BBOF1: variants seen among roughly 807,000 people sequenced by gnomAD.
BBOF1 encodes basal body-orientation factor 1.
Under a neutral mutation model 68.0 loss-of-function variants are expected in BBOF1, and 62 were observed. That is an observed-to-expected ratio of 0.91 (90% CI 0.74 to 1.13). The LOEUF (loss-of-function observed/expected upper bound fraction) is 1.13, where lower values mean the gene tolerates loss of function less well. Ranked by LOEUF, BBOF1 falls within the 50% of genes most tolerant of loss-of-function variation. The pLI, the probability that BBOF1 is intolerant of heterozygous loss-of-function variation, is 0.00. For synonymous variants in BBOF1, 208 were observed against 198.8 expected (o/e 1.05, Z -0.39); for missense variants, 534 against 600.1 (o/e 0.89, Z 1.15).
At chr14:74,051,861 C>T (rs2060073988) in intron 8 of BBOF1, among the ~76,000 whole-genome samples, 1 of 151,698 alleles carries the variant, frequency 6.6e-6, no homozygotes, top group African/African-American at 2.4e-5. Flanking sequence ...GGATTACAGG[C>T]ACGAGCCACC....
rs1037162967 is a variant in BBOF1, at chr14:74,065,278, T to C, written c.*579T>C. 1.9e-6 allele frequency: 3 copies of C among 1,614,218 alleles called. No individual in the cohort carries two copies. Among genetic ancestry groups the C allele is most frequent in the East Asian group, 4.5e-5 (2 of 44,886 alleles). On this transcript the variant is annotated 3_prime_UTR_variant, in exon 12 of 12. Coordinates refer to ENST00000394009, the MANE Select transcript of BBOF1 (RefSeq NM_025057.3). Reference sequence around the variant, plus strand: ...TCCATATGGGTTGTTATTTACAATCTGGATGGCTTCATCCAATGTTTCTGT... The same window carrying C: ...TCCATATGGGTTGTTATTTACAATCCGGATGGCTTCATCCAATGTTTCTGT...
At chr14:74,026,343 G>A (rs1375813947) in intron 2 of BBOF1, among the ~76,000 whole-genome samples, 1 of 148,704 alleles carries the variant, frequency 6.7e-6, no homozygotes, top group African/African-American at 2.5e-5. Flanking sequence ...TCAGGAGGCT[G>A]AGGCAGGAGA....
chr14:74,077,632 A>C (rs1044505332), intron 9 of BBOF1, among the ~76,000 whole-genome samples: 9 of 152,202 alleles, frequency 5.9e-5, no homozygotes, highest in African/African-American at 2.2e-4. Context: ...CAAAAGAGCA[A>C]GAATTCACTC....
chr14:74,032,890 T>C (rs1189081064), intron 3 of BBOF1, among the ~76,000 whole-genome samples: 2 of 152,118 alleles, frequency 1.3e-5, no homozygotes, highest in Non-Finnish European at 2.9e-5. Context: ...TTTGTTGTTA[T>C]TGGCCTTTCC....
At chr14:74,068,816 C>T (rs1341971390), downstream of BBOF1, 8 of 1,609,240 alleles carry the variant, frequency 5.0e-6, no homozygotes, top group African/African-American at 8.0e-5. Flanking sequence ...AGGTAATTTT[C>T]ATATATAGAA....
intron 2 of BBOF1, among the ~76,000 whole-genome samples, chr14:74,024,807 C>T (rs900600773): frequency 1.3e-5 from 2 of 151,680 alleles, no homozygotes; most frequent in Non-Finnish European, 1.5e-5. Context: ...TTCGCCATGT[C>T]GCCCAGGCTA....
At chr14:74,020,556 T>A (rs1458790408) in intron 1 of BBOF1, among the ~76,000 whole-genome samples, 2 of 151,800 alleles carry the variant, frequency 1.3e-5, no homozygotes, top group Non-Finnish European at 2.9e-5. Flanking sequence ...CAAGCCGGAG[T>A]GCAATGGCAC....
chr14:74,050,845 A>G (rs1019674113), intron 8 of BBOF1, among the ~76,000 whole-genome samples: 1 of 152,200 alleles, frequency 6.6e-6, no homozygotes, highest in Non-Finnish European at 1.5e-5. Context: ...ATGGTGGCTT[A>G]CACCTGTAAT....
At position 74,049,714 on chromosome 14, in the gene BBOF1, C is replaced by G. The variant is rs2060024124; in HGVS notation, c.805C>G (p.Leu269Val). 25 of 1,600,100 alleles carry G rather than the reference C, an allele frequency of 1.6e-5. No individual in the cohort carries two copies. The highest frequency in any genetic ancestry group is 2.1e-5 in the Non-Finnish European group (25 of 1,174,604). Residue 269 changes from leucine to valine, a missense_variant, in exon 8 of 12, where the codon CTG (leucine) becomes GTG (valine). Transcript: ENST00000394009. ...TTTCTGTTTTTAGGAGATCAATGAT[C>G]TGTTGGTTAAGGAAAAGATTATGCA... is the stretch of plus-strand genomic sequence containing the variant. ...LLLHQKEIND[L>V]LVKEKIMQLV...
At chr14:74,074,349 C>T (rs10147930) in intron 9 of BBOF1, among the ~76,000 whole-genome samples, 2,765 of 148,606 alleles carry the variant, frequency 0.019, 56 homozygotes, top group African/African-American at 0.051. Context: ...TGCAATGGTG[C>T]GATCTTGGCT....
At chr14:74,042,699 T>C (rs1304791280) in intron 5 of BBOF1, among the ~76,000 whole-genome samples, 2 of 152,080 alleles carry the variant, frequency 1.3e-5, no homozygotes, top group Non-Finnish European at 2.9e-5. Context: ...TCCCACCTAC[T>C]CTGGAGACTG....
intron 5 of BBOF1, among the ~76,000 whole-genome samples, chr14:74,042,213 G>A (rs2059839387): frequency 6.6e-6 from 1 of 152,192 alleles, no homozygotes; most frequent in Non-Finnish European, 1.5e-5. Context: ...TATAGAAAGT[G>A]GCTCTAGGTT....
intron 9 of BBOF1, chr14:74,071,297 G>A: frequency 6.2e-7 from 1 of 1,614,148 alleles, no homozygotes; most frequent in Non-Finnish European, 8.5e-7. Context: ...CGCTCAGATG[G>A]TTTCATTAGG....
At chr14:74,052,124 G>A (rs938207787) in intron 8 of BBOF1, among the ~76,000 whole-genome samples, 1 of 151,706 alleles carries the variant, frequency 6.6e-6, no homozygotes, top group African/African-American at 2.4e-5. Context: ...CATCAAATAA[G>A]TTGAGTCCCT....
chr14:74,067,599 C>CT, downstream of BBOF1: 1 of 1,609,582 alleles, frequency 6.2e-7, no homozygotes. Context: ...GCACATGAGT[C>CT]TTCCTTGGCC....
At chr14:74,071,355 C>G (rs369881143) in intron 9 of BBOF1, 88 of 1,614,006 alleles carry the variant, frequency 5.5e-5, no homozygotes, top group Non-Finnish European at 7.3e-5. Context: ...AAAGGGGGAT[C>G]ATGGCAGGAA....
intron 11 of BBOF1, among the ~76,000 whole-genome samples, chr14:74,061,378 T>A (rs981908371): frequency 2.8e-4 from 42 of 152,122 alleles, no homozygotes; most frequent in African/African-American, 9.9e-4. Flanking sequence ...CTTGGCTCAC[T>A]GCAACCTCTG....
chr14:74,068,980 A>G (rs778243683), downstream of BBOF1: 5 of 1,613,792 alleles, frequency 3.1e-6, no homozygotes, highest in Admixed American at 8.3e-5. Context: ...TAAAATTTAC[A>G]GCTTTAAGAA....
intron 10 of BBOF1, 54 bp from the exon 11 acceptor site, chr14:74,057,090 A>G: frequency 6.3e-7 from 1 of 1,598,196 alleles, no homozygotes; most frequent in Non-Finnish European, 8.5e-7. Context: ...ATTCTAAACC[A>G]GGTTTCATGT....
Sources: allele counts gnomAD v4.1 joint callset (sites outside exome capture counted in the v4.1 genomes callset), GRCh38; gene constraint gnomAD v4.1.1; transcripts MANE v1.5; gene names NCBI Gene and HGNC (gene_info 2026-07-23, HGNC 2026-07-21).